The following CCDC85A variants were observed in gnomAD, a reference collection of about 807,000 sequenced individuals.
The protein encoded by CCDC85A is coiled-coil domain-containing protein 85A.
CCDC85A carries 38 observed loss-of-function variants against 50.2 expected under a neutral mutation model. The ratio of observed to expected loss-of-function variants is 0.76; its 90% CI spans 0.58 to 0.99. The LOEUF (loss-of-function observed/expected upper bound fraction) is 0.99. Ranked by LOEUF, CCDC85A falls within the 50% of genes least tolerant of loss-of-function variation. The pLI is 0.00. For synonymous variants in CCDC85A, 366 were observed against 301.4 expected, an observed-to-expected ratio of 1.21 and a Z score of -2.22; for missense variants, 820 against 742.0, an observed-to-expected ratio of 1.11 and a Z score of -1.22.
intron 3 of CCDC85A, among the ~76,000 whole-genome samples, chr2:56,353,912 A>G (rs1675093460): frequency 6.6e-6 from 1 of 152,228 alleles, no homozygotes; most frequent in Admixed American, 6.5e-5. Context: ...AGCGTTACTG[A>G]GTAGACTGTG....
At chr2:56,308,815 T>A (rs1298585376) in intron 2 of CCDC85A, among the ~76,000 whole-genome samples, 1 of 152,198 alleles carries the variant, frequency 6.6e-6, no homozygotes, top group Non-Finnish European at 1.5e-5. Flanking sequence ...ACAGTGTGAC[T>A]GGCTTTGGAG....
chr2:56,212,893 A>G (rs1677236615), intron 2 of CCDC85A, among the ~76,000 whole-genome samples: 1 of 152,046 alleles, frequency 6.6e-6, no homozygotes, highest in Non-Finnish European at 1.5e-5. Flanking sequence ...TATAAAGTGT[A>G]GGTAGCAGTT....
chr2:56,352,142 A>G (rs1270775179), intron 3 of CCDC85A, among the ~76,000 whole-genome samples: 3 of 152,196 alleles, frequency 2.0e-5, no homozygotes, highest in Non-Finnish European at 4.4e-5. Context: ...GAAAGTGAAC[A>G]TGCTTATAAA....
intron 2 of CCDC85A, among the ~76,000 whole-genome samples, chr2:56,227,301 C>G (rs573542815): frequency 2.9e-4 from 44 of 152,242 alleles, no homozygotes; most frequent in Non-Finnish European, 4.4e-5. Context: ...TAATCAAGGT[C>G]TCAGATCATA....
intron 3 of CCDC85A, among the ~76,000 whole-genome samples, chr2:56,358,968 T>TTGTA (rs201113541): frequency 0.032 from 1,115 of 34,906 alleles, 9 homozygotes; most frequent in African/African-American, 0.068. Context: ...TGTATTTTTT[T>TTGTA]TTTTTTTTTT....
Position 56,192,914 on chromosome 2 carries a change from G to C in CCDC85A, c.714G>C (p.Gln238His). Residue 238 changes from glutamine to histidine, a missense_variant, in exon 2 of 6, where the codon CAG (glutamine) becomes CAC (histidine). Transcript: ENST00000407595. The surrounding 1 kb of genome is among the most constrained non-coding windows in gnomAD (Gnocchi z 4.7). ...HASSGSPEHLQKPRSEGSPEH... is the reference protein window; with the variant it reads ...HASSGSPEHLHKPRSEGSPEH... ...GCAGTGGCAGCCCGGAGCACCTGCA[G>C]AAGCCCCGGAGCGAGGGCAGCCCGG... is the stretch of plus-strand genomic sequence containing the variant. The C allele has an allele frequency of 6.2e-7, 1 of 1,611,688 alleles. No individual in the cohort carries two copies. The highest frequency in any genetic ancestry group is 8.5e-7 in the Non-Finnish European group (1 of 1,179,192).
At chr2:56,244,248 A>G (rs1175331082) in intron 2 of CCDC85A, among the ~76,000 whole-genome samples, 1 of 152,076 alleles carries the variant, frequency 6.6e-6, no homozygotes, top group East Asian at 1.9e-4. Flanking sequence ...CTGGTGCTCT[A>G]TTCTGCAGCT....
chr2:56,286,339 G>C (rs1362900119), intron 2 of CCDC85A, among the ~76,000 whole-genome samples: 5 of 151,930 alleles, frequency 3.3e-5, no homozygotes, highest in African/African-American at 1.2e-4. Context: ...TTTTCTGTCA[G>C]CTAACAATTG....
At position 56,192,618 on chromosome 2, in the gene CCDC85A, G is replaced by C; in HGVS notation, c.418G>C (p.Glu140Gln). The C allele has an allele frequency of 6.2e-7, 1 of 1,613,970 alleles. No individual in the cohort carries two copies. Among genetic ancestry groups the C allele is most frequent in the Non-Finnish European group, 8.5e-7 (1 of 1,179,878 alleles). ...GRYTAGVMHK[E>Q]VALYLQKLKD... is the part of the protein sequence containing the mutation. ...CTACACTGCCGGGGTGATGCACAAGGAAGTGGCCTTATACCTGCAGAAGCT... is the reference window on the plus strand; with the variant it reads ...CTACACTGCCGGGGTGATGCACAAGCAAGTGGCCTTATACCTGCAGAAGCT... Residue 140 changes from glutamate to glutamine, a missense_variant, in exon 2 of 6, where the codon GAA becomes CAA. Transcript: ENST00000407595. This position sits in a 1 kb window ranked among gnomAD's most constrained non-coding sequence, Gnocchi z 4.7.
intron 2 of CCDC85A, among the ~76,000 whole-genome samples, chr2:56,281,046 A>G (rs1457712723): frequency 6.6e-6 from 1 of 152,152 alleles, no homozygotes; most frequent in African/African-American, 2.4e-5. Context: ...TTAAATAAAG[A>G]TTTAGAACAT....
intron 2 of CCDC85A, among the ~76,000 whole-genome samples, chr2:56,331,581 A>G (rs1673796022): frequency 6.6e-6 from 1 of 152,180 alleles, no homozygotes; most frequent in South Asian, 2.1e-4. Flanking sequence ...GGGGGGTTGA[A>G]CACGTTTATG....
At chr2:56,187,561 G>A (rs905466507) in intron 1 of CCDC85A, among the ~76,000 whole-genome samples, 2 of 152,092 alleles carry the variant, frequency 1.3e-5, no homozygotes, top group African/African-American at 4.8e-5. Flanking sequence ...TCTGTCTCTC[G>A]GTTTTCTCAT....
At chr2:56,184,983 C>G (rs1160630515) in intron 1 of CCDC85A, 83 bp downstream of exon 1, 2 of 1,410,302 alleles carry the variant, frequency 1.4e-6, no homozygotes, top group Non-Finnish European at 9.3e-7. Flanking sequence ...CAAACTTTCC[C>G]TCCCTCCCTC....
intron 3 of CCDC85A, among the ~76,000 whole-genome samples, chr2:56,370,158 C>G (rs1020475284): frequency 2.0e-5 from 3 of 152,084 alleles, no homozygotes; most frequent in Admixed American, 6.6e-5. Context: ...GAATTGTTCT[C>G]CCAATTAGTG....
intron 2 of CCDC85A, among the ~76,000 whole-genome samples, chr2:56,309,703 T>C (rs890709886): frequency 2.0e-5 from 3 of 152,152 alleles, no homozygotes; most frequent in African/African-American, 7.2e-5. Context: ...TTAAAGAAGC[T>C]ACTGTGTATC....
At chr2:56,264,889 C>T (rs1246754895) in intron 2 of CCDC85A, among the ~76,000 whole-genome samples, 2 of 152,176 alleles carry the variant, frequency 1.3e-5, no homozygotes, top group East Asian at 3.9e-4. Flanking sequence ...GCTTTTCCTT[C>T]TGCCTTTTGC....
intron 2 of CCDC85A, among the ~76,000 whole-genome samples, chr2:56,200,014 G>A (rs557060210): frequency 6.6e-6 from 1 of 152,228 alleles, no homozygotes; most frequent in Non-Finnish European, 1.5e-5. Flanking sequence ...GATTACAGGC[G>A]CACACCACCA....
At chr2:56,352,438 C>G (rs1164108904) in intron 3 of CCDC85A, among the ~76,000 whole-genome samples, 1 of 152,130 alleles carries the variant, frequency 6.6e-6, no homozygotes, top group Non-Finnish European at 1.5e-5. Context: ...CTCCGCCTCC[C>G]TGGTTCGAGT....
chr2:56,356,670 A>G (rs1675241505), intron 3 of CCDC85A, among the ~76,000 whole-genome samples: 1 of 149,638 alleles, frequency 6.7e-6, no homozygotes, highest in African/African-American at 2.5e-5. Flanking sequence ...GGTTGCAGTG[A>G]GCTGAGATCA....
Sources: allele counts gnomAD v4.1 joint callset (sites outside exome capture counted in the v4.1 genomes callset), GRCh38; gene constraint gnomAD v4.1.1; non-coding constraint Gnocchi (gnomAD v3.1); transcripts MANE v1.5; gene names NCBI Gene and HGNC (gene_info 2026-07-23, HGNC 2026-07-21).